The following SNAP91 variants were observed in gnomAD, a reference collection of about 807,000 sequenced individuals.
SNAP91 encodes the protein clathrin coat assembly protein AP180.
SNAP91 carries 27 observed loss-of-function variants against 100.3 expected under a neutral mutation model. That is an observed-to-expected ratio of 0.27 (90% CI 0.20 to 0.37). The LOEUF is 0.37. Among genes scored for constraint, SNAP91 ranks in the 10% least tolerant of loss-of-function variants. The probability of loss-of-function intolerance (pLI) is 1.00; values close to 1 mark genes in which losing one functional copy is unlikely to be tolerated. For synonymous variants in SNAP91, 404 were observed against 398.6 expected (o/e 1.01, Z -0.16); for missense variants, 986 against 1,123.7 (o/e 0.88, Z 1.75).
In SNAP91 at chr6:83,668,115, G is replaced by T. The variant is rs185841618; in HGVS notation, c.131-2534C>A. Among the ~76,000 whole-genome samples the T allele has an allele frequency of 4.0e-3, 613 of 152,172 alleles. 3 individuals are homozygous for T. The highest frequency in any genetic ancestry group is 0.013 in the African/African-American group (555 of 41,548). On this transcript the variant is annotated intron_variant, in intron 2 of 29. Coordinates refer to ENST00000369694, the MANE Select transcript of SNAP91 (RefSeq NM_001242792.2). Reference sequence around the variant, plus strand: ...TTACTGGCCATCAGAGAAATGCAAAGCAAAACCAAATGAGATACCATCTCA... The same window carrying T: ...TTACTGGCCATCAGAGAAATGCAAATCAAAACCAAATGAGATACCATCTCA...
At chr6:83,709,362 C>T (rs773933267), upstream of SNAP91, 2 of 152,456 alleles carry the variant, frequency 1.3e-5, no homozygotes, top group Non-Finnish European at 2.9e-5. Context: ...CGGGCCGCCC[C>T]TCCGCTGCTG....
At chr6:83,709,234 G>A (rs1383023884), upstream of SNAP91, 3 of 152,212 alleles carry the variant, frequency 2.0e-5, no homozygotes, top group Non-Finnish European at 4.4e-5. Flanking sequence ...CCGCCCCCCG[G>A]GGCCGGGAGC....
intron 2 of SNAP91, among the ~76,000 whole-genome samples, chr6:83,682,410 T>C (rs1430372310): frequency 6.6e-6 from 1 of 151,942 alleles, no homozygotes; most frequent in African/African-American, 2.4e-5. Context: ...TTTCGCCATG[T>C]TGCCCAAGCT....
chr6:83,567,015 C>T lies in SNAP91; in HGVS notation c.2443-6068G>A, dbSNP rs145215537. 3.7e-3 allele frequency among the ~76,000 whole-genome samples: 565 copies of T among 152,194 alleles called. 4 individuals are homozygous for T. The highest frequency in any genetic ancestry group is 0.013 in the African/African-American group (538 of 41,554). ...TTAAACTTGCATAATCATAGCTCAC[C>T]GTAGGCTCAAACACTTGGGCTCAAG... On this transcript the variant is annotated intron_variant, in intron 26 of 29. Transcript: ENST00000369694.
intron 11 of SNAP91, among the ~76,000 whole-genome samples, chr6:83,614,382 T>C (rs919142915): frequency 5.3e-5 from 8 of 152,174 alleles, no homozygotes; most frequent in African/African-American, 1.9e-4. Flanking sequence ...ATAAAGGGCA[T>C]ACATATTCTT....
intron 26 of SNAP91, among the ~76,000 whole-genome samples, chr6:83,573,907 C>G (rs1482618214): frequency 6.6e-6 from 1 of 152,154 alleles, no homozygotes; most frequent in Non-Finnish European, 1.5e-5. Flanking sequence ...GACTTCATGT[C>G]TAAAACACCA....
chr6:83,638,232 T>C (rs932923108), intron 8 of SNAP91, among the ~76,000 whole-genome samples: 4 of 152,116 alleles, frequency 2.6e-5, no homozygotes, highest in African/African-American at 9.7e-5. Context: ...TGAAGGCAAC[T>C]GTGTTGCCTC....
At chr6:83,665,117 T>C (rs1393544555) in intron 3 of SNAP91, among the ~76,000 whole-genome samples, 3 of 152,152 alleles carry the variant, frequency 2.0e-5, no homozygotes, top group East Asian at 3.8e-4. Flanking sequence ...ATGTAACTTT[T>C]ACATGCACTG....
At position 83,572,699 on chromosome 6, in the gene SNAP91, T is replaced by C. The variant is rs573837486; in HGVS notation, c.2442+2311A>G. On this transcript the variant is annotated intron_variant, in intron 26 of 29. Coordinates refer to ENST00000369694, the MANE Select transcript of SNAP91 (RefSeq NM_001242792.2). ...CTAACTTGTTAAAAAACAAAAGTTTTATCCTGGTGATAAGGGCAACATCAC... is the reference window on the plus strand; with the variant it reads ...CTAACTTGTTAAAAAACAAAAGTTTCATCCTGGTGATAAGGGCAACATCAC... Among the ~76,000 whole-genome samples, 3 of 152,324 alleles carry C rather than the reference T, an allele frequency of 2.0e-5. No homozygotes were observed. The East Asian group carries it at 5.8e-4, about 29-fold the overall frequency.
intron 26 of SNAP91, among the ~76,000 whole-genome samples, chr6:83,573,168 G>C (rs1011435076): frequency 9.2e-5 from 14 of 152,154 alleles, no homozygotes; most frequent in African/African-American, 4.8e-5. Context: ...CAGACAAACA[G>C]AGAGCCAAAT....
intron 8 of SNAP91, among the ~76,000 whole-genome samples, chr6:83,626,744 G>A (rs1202043756): frequency 6.6e-6 from 1 of 152,032 alleles, no homozygotes; most frequent in Non-Finnish European, 1.5e-5. Flanking sequence ...TGTTTATCAG[G>A]TCTAGGAGTT....
chr6:83,631,293 TA>T (rs1251135392), intron 8 of SNAP91, among the ~76,000 whole-genome samples: 1 of 152,214 alleles, frequency 6.6e-6, no homozygotes, highest in Admixed American at 6.5e-5. Flanking sequence ...TTCCATGTGC[TA>T]TTGAAAAGAA....
intron 2 of SNAP91, among the ~76,000 whole-genome samples, chr6:83,692,010 C>T (rs867340020): frequency 1.3e-4 from 20 of 151,926 alleles, no homozygotes; most frequent in South Asian, 6.2e-4. Context: ...CATAATTGCC[C>T]CATTCTGTAC....
intron 22 of SNAP91, among the ~76,000 whole-genome samples, chr6:83,590,381 C>T (rs2093565573): frequency 1.3e-5 from 2 of 152,120 alleles, no homozygotes; most frequent in African/African-American, 2.4e-5. Context: ...AAGACCAATA[C>T]TTGGCTTTTA....
intron 12 of SNAP91, 45 bp from the exon 13 acceptor site, chr6:83,607,853 A>C (rs2128290501): frequency 8.4e-7 from 1 of 1,197,280 alleles, no homozygotes. Context: ...ATATGAATCT[A>C]CAGGACACAG....
chr6:83,671,397 T>A (rs1261292604), intron 2 of SNAP91, among the ~76,000 whole-genome samples: 1 of 152,116 alleles, frequency 6.6e-6, no homozygotes, highest in Non-Finnish European at 1.5e-5. Context: ...TTTGGTAGAA[T>A]CCATCACATT....
chr6:83,608,033 T>C (rs536176466), intron 12 of SNAP91, among the ~76,000 whole-genome samples: 1 of 152,304 alleles, frequency 6.6e-6, no homozygotes, highest in South Asian at 2.1e-4. Flanking sequence ...TATAAAATGA[T>C]AAAATATTTG....
chr6:83,641,343 G>A (rs1026208559), intron 7 of SNAP91, 141 bp from the exon 8 acceptor site: 5 of 480,508 alleles, frequency 1.0e-5, no homozygotes, highest in African/African-American at 4.1e-5. Flanking sequence ...GAGGTATTAA[G>A]GCACCTAAAC....
At chr6:83,582,473 C>T (rs892407559) in intron 22 of SNAP91, 117 bp from the exon 23 acceptor site, 8 of 1,072,742 alleles carry the variant, frequency 7.5e-6, no homozygotes, top group East Asian at 2.6e-5. Context: ...TGTTGATTAG[C>T]AGTCAGTGAA....
Sources: allele counts gnomAD v4.1 joint callset (sites outside exome capture counted in the v4.1 genomes callset), GRCh38; gene constraint gnomAD v4.1.1; transcripts MANE v1.5; gene names NCBI Gene and HGNC (gene_info 2026-07-23, HGNC 2026-07-21).